Variants in EYS observed in about 807,000 individuals in gnomAD.
The protein encoded by EYS is EGF-like photoreceptor maintenance factor.
EYS carries 250 observed loss-of-function variants against 282.1 expected under a neutral mutation model. That is an observed-to-expected ratio of 0.89 (90% CI 0.80 to 0.98). The LOEUF (loss-of-function observed/expected upper bound fraction) is 0.98. EYS is among the 50% of genes least tolerant of loss of function. EYS has a pLI of 0.00. For missense variants in EYS, 4,016 were observed against 3,709.0 expected (o/e 1.08, Z -2.15); for synonymous variants, 1,355 against 1,282.9 (o/e 1.06, Z -1.20).
chr6:64,953,358 C>A (rs902095652), intron 14 of EYS, among the ~76,000 whole-genome samples: 1 of 151,604 alleles, frequency 6.6e-6, no homozygotes, highest in African/African-American at 2.4e-5. Context: ...AAATATTTTT[C>A]TTTGCTTTAA....
At chr6:64,017,207 G>A (rs1304950646) in intron 33 of EYS, among the ~76,000 whole-genome samples, 1 of 152,008 alleles carries the variant, frequency 6.6e-6, no homozygotes, top group African/African-American at 2.4e-5. Flanking sequence ...AGGAGAGGGA[G>A]GCATACTACC....
At chr6:64,444,930 G>C (rs1775070134) in intron 26 of EYS, among the ~76,000 whole-genome samples, 1 of 151,872 alleles carries the variant, frequency 6.6e-6, no homozygotes, top group South Asian at 2.1e-4. Flanking sequence ...TGATTTCTGA[G>C]GGCCTCACCA....
At chr6:65,467,171 C>G (rs1031780524) in intron 5 of EYS, among the ~76,000 whole-genome samples, 9 of 152,052 alleles carry the variant, frequency 5.9e-5, no homozygotes, top group Non-Finnish European at 1.3e-4. Flanking sequence ...GGCATTTGAG[C>G]TAACAGATAT....
At chr6:65,198,077 T>G (rs1410556026) in intron 12 of EYS, among the ~76,000 whole-genome samples, 2 of 152,138 alleles carry the variant, frequency 1.3e-5, no homozygotes, top group Non-Finnish European at 2.9e-5. Flanking sequence ...TTAATTTATT[T>G]ATATAGGCTT....
intron 15 of EYS, among the ~76,000 whole-genome samples, chr6:64,920,633 A>T (rs995246197): frequency 4.6e-5 from 7 of 152,284 alleles, no homozygotes; most frequent in Non-Finnish European, 1.0e-4. Flanking sequence ...ATATGTCTGC[A>T]TGTGTATATG....
intron 41 of EYS, among the ~76,000 whole-genome samples, chr6:63,734,293 G>A (rs911549182): frequency 6.6e-6 from 1 of 151,982 alleles, no homozygotes; most frequent in African/African-American, 2.4e-5. Flanking sequence ...AAAAAAACTT[G>A]TGTAGAAACA....
intron 2 of EYS, among the ~76,000 whole-genome samples, chr6:65,540,250 C>T (rs1340575828): frequency 1.3e-5 from 2 of 152,128 alleles, no homozygotes; most frequent in Non-Finnish European, 2.9e-5. Context: ...GGAACAAACT[C>T]TCTAACCTGC....
intron 13 of EYS, among the ~76,000 whole-genome samples, chr6:65,032,300 T>C (rs1403434045): frequency 6.6e-6 from 1 of 152,192 alleles, no homozygotes; most frequent in Non-Finnish European, 1.5e-5. Context: ...AGGTGAATAC[T>C]ACCAGACATA....
chr6:65,384,843 G>C (rs1196472534), intron 7 of EYS, among the ~76,000 whole-genome samples: 1 of 151,834 alleles, frequency 6.6e-6, no homozygotes, highest in Non-Finnish European at 1.5e-5. Context: ...TTAATGTTTA[G>C]TAGAGCCAGT....
chr6:64,583,533 C>A (rs1022800907), intron 26 of EYS, among the ~76,000 whole-genome samples: 1 of 152,078 alleles, frequency 6.6e-6, no homozygotes, highest in African/African-American at 2.4e-5. Flanking sequence ...CAGTAGCTCA[C>A]GCCTGTTATC....
At chr6:64,266,623 C>T (rs1767767987) in intron 30 of EYS, among the ~76,000 whole-genome samples, 1 of 152,098 alleles carries the variant, frequency 6.6e-6, no homozygotes, top group South Asian at 2.1e-4. Context: ...AAATTTGAGG[C>T]AATGTCACAG....
intron 13 of EYS, among the ~76,000 whole-genome samples, chr6:65,048,903 A>G (rs999537229): frequency 6.6e-5 from 10 of 151,838 alleles, no homozygotes; most frequent in Non-Finnish European, 1.0e-4. Context: ...CCCTGTTTCC[A>G]TACCTCTACA....
At position 65,522,381 on chromosome 6, in the gene EYS, G is replaced by T. The variant is rs550861290; in HGVS notation, c.-332-26388C>A. 2.6e-5 allele frequency among the ~76,000 whole-genome samples: 4 copies of T among 152,224 alleles called. No homozygotes were observed. In the East Asian group the frequency reaches 5.8e-4, roughly 22 times the overall value. On this transcript the variant is annotated intron_variant, in intron 2 of 42. Transcript: ENST00000503581. ...TTTGGGAGGCTGAGGCCAGAGGATC[G>T]CTTGAAAACAGTGGCTCAAGATCAG...
At chr6:65,442,990 G>A (rs184090811) in intron 5 of EYS, among the ~76,000 whole-genome samples, 128 of 101,610 alleles carry the variant, frequency 1.3e-3, no homozygotes, top group Admixed American at 3.1e-3. Flanking sequence ...ACATATGTGC[G>A]TATATGTATA....
In EYS at chr6:63,942,719, A is replaced by G. The variant is rs1321784972; in HGVS notation, c.7055+41664T>C. ...TATAGAAACATTTTTAGAGAAATAA[A>G]AAAAACATCAGACAGAAATTATGAC... is the stretch of plus-strand genomic sequence containing the variant. On this transcript the variant is annotated intron_variant, in intron 35 of 42. Transcript: ENST00000503581. 3.3e-5 allele frequency among the ~76,000 whole-genome samples: 5 copies of G among 152,324 alleles called. No homozygotes were observed. In the East Asian group the frequency reaches 5.8e-4, roughly 18 times the overall value.
At chr6:65,277,540 C>T (rs1375993432) in intron 12 of EYS, among the ~76,000 whole-genome samples, 1 of 151,900 alleles carries the variant, frequency 6.6e-6, no homozygotes, top group African/African-American at 2.4e-5. Flanking sequence ...CGGGAAAGAA[C>T]CCTTACCTGA....
At chr6:65,288,712 T>C (rs1286263945) in intron 12 of EYS, among the ~76,000 whole-genome samples, 1 of 151,008 alleles carries the variant, frequency 6.6e-6, no homozygotes, top group Non-Finnish European at 1.5e-5. Flanking sequence ...TGTGAGTAAA[T>C]CTAATATTGG....
chr6:63,773,942 T>C (rs1769997398), intron 40 of EYS, among the ~76,000 whole-genome samples: 1 of 152,190 alleles, frequency 6.6e-6, no homozygotes, highest in South Asian at 2.1e-4. Context: ...TTTGACCTGA[T>C]GCTCAAAGGC....
chr6:64,697,753 C>T (rs916810900), intron 22 of EYS, among the ~76,000 whole-genome samples: 1 of 151,952 alleles, frequency 6.6e-6, no homozygotes, highest in East Asian at 1.9e-4. Flanking sequence ...ACCAACCTGG[C>T]TAACACTGTG....
Sources: gnomAD v4.1 joint callset for allele counts (sites outside exome capture counted in the v4.1 genomes callset) on GRCh38, gnomAD v4.1.1 for gene constraint, MANE v1.5 for transcripts, NCBI Gene and HGNC (gene_info 2026-07-23, HGNC 2026-07-21) for gene names.